The following GPC5 variants were observed in gnomAD, a reference collection of about 807,000 sequenced individuals.
GPC5 encodes the protein glypican 5.
GPC5 carries 47 observed loss-of-function variants against 53.9 expected under a neutral mutation model. The observed-to-expected ratio is 0.87, with a 90% confidence interval of 0.69 to 1.11. The LOEUF (loss-of-function observed/expected upper bound fraction) is 1.11, where lower values mean the gene tolerates loss of function less well. GPC5 is among the 50% of genes most tolerant of loss of function. The probability of loss-of-function intolerance (pLI) is 0.00; values close to 1 mark genes in which losing one functional copy is unlikely to be tolerated. For synonymous variants in GPC5, 286 were observed against 263.3 expected (o/e 1.09, Z -0.84); for missense variants, 748 against 713.1 (o/e 1.05, Z -0.56).
intron 2 of GPC5, among the ~76,000 whole-genome samples, chr13:91,595,143 G>T (rs996043936): frequency 6.6e-6 from 1 of 151,566 alleles, no homozygotes; most frequent in Admixed American, 6.6e-5. Context: ...TCCCCCTCCC[G>T]AGTAGCTGGG....
At chr13:92,414,729 A>G (rs7317952) in intron 7 of GPC5, among the ~76,000 whole-genome samples, 94,037 of 151,974 alleles carry the variant, frequency 0.62, 29,331 homozygotes, top group East Asian at 0.74. Context: ...TTACAATTCT[A>G]GAGGCTGGGA....
At chr13:92,296,947 AC>A (rs1212557713) in intron 7 of GPC5, among the ~76,000 whole-genome samples, 1 of 151,356 alleles carries the variant, frequency 6.6e-6, no homozygotes, top group African/African-American at 2.4e-5. Context: ...TGAGCCTCCC[AC>A]CCCCTCCATG....
At chr13:91,487,115 T>C (rs1223985979) in intron 2 of GPC5, among the ~76,000 whole-genome samples, 1 of 151,926 alleles carries the variant, frequency 6.6e-6, no homozygotes, top group Non-Finnish European at 1.5e-5. Context: ...TTGCTGAAAA[T>C]GAACTGACAA....
intron 7 of GPC5, among the ~76,000 whole-genome samples, chr13:92,429,715 A>G (rs1181060707): frequency 6.6e-6 from 1 of 152,120 alleles, no homozygotes; most frequent in Non-Finnish European, 1.5e-5. Context: ...TTATTTGCAA[A>G]GATGTGTATT....
chr13:91,878,273 T>C (rs1280061463), intron 5 of GPC5, among the ~76,000 whole-genome samples: 3 of 152,192 alleles, frequency 2.0e-5, no homozygotes, highest in Non-Finnish European at 4.4e-5. Context: ...ATTTTCAATA[T>C]TTTTTATTTG....
intron 7 of GPC5, among the ~76,000 whole-genome samples, chr13:92,658,293 T>C (rs1594390430): frequency 1.3e-5 from 2 of 152,320 alleles, no homozygotes; most frequent in African/African-American, 4.8e-5. Flanking sequence ...GCATTCTATA[T>C]GGCAATATTT....
intron 7 of GPC5, among the ~76,000 whole-genome samples, chr13:92,314,676 A>T (rs1410077634): frequency 2.0e-5 from 3 of 152,244 alleles, no homozygotes; most frequent in Non-Finnish European, 4.4e-5. Flanking sequence ...ATGTAAGGGA[A>T]ATAACTGTAA....
At chr13:92,318,239 G>A (rs2043192797) in intron 7 of GPC5, among the ~76,000 whole-genome samples, 1 of 151,984 alleles carries the variant, frequency 6.6e-6, no homozygotes, top group Non-Finnish European at 1.5e-5. Context: ...CCGTCGGTGG[G>A]GTGCTGAAAA....
intron 7 of GPC5, among the ~76,000 whole-genome samples, chr13:92,282,524 C>T (rs2042923754): frequency 6.6e-6 from 1 of 152,100 alleles, no homozygotes; most frequent in African/African-American, 2.4e-5. Flanking sequence ...ACAAAGGGAA[C>T]CTCAACAGAC....
At chr13:92,397,314 C>T (rs542191324) in intron 7 of GPC5, among the ~76,000 whole-genome samples, 17 of 152,274 alleles carry the variant, frequency 1.1e-4, no homozygotes, top group African/African-American at 3.6e-4. Context: ...GTGAAGACCT[C>T]TCATGAGATT....
intron 7 of GPC5, among the ~76,000 whole-genome samples, chr13:92,857,925 TA>T (rs1231407603): frequency 6.6e-6 from 1 of 152,062 alleles, no homozygotes; most frequent in Non-Finnish European, 1.5e-5. Context: ...CTCAATGAAA[TA>T]AAAACAGAAC....
rs531570226 is a variant in GPC5 at position 91,541,795 on chromosome 13, T to C, written c.325+92873T>C. ...TAGATTAATCATAAAGAGTAATATG[T>C]TAATACACTGAGAACTTCCATATTA... is the stretch of plus-strand genomic sequence containing the variant. On this transcript the variant is annotated intron_variant, in intron 2 of 7. Coordinates refer to ENST00000377067, the MANE Select transcript of GPC5 (RefSeq NM_004466.6). 4.0e-5 allele frequency among the ~76,000 whole-genome samples: 6 copies of C among 151,698 alleles called. 1 individual carries two copies. In the South Asian group the frequency reaches 1.2e-3, roughly 32 times the overall value.
chr13:92,081,290 TG>T (rs750720180), intron 6 of GPC5, among the ~76,000 whole-genome samples: 36 of 152,000 alleles, frequency 2.4e-4, no homozygotes, highest in Non-Finnish European at 4.9e-4. Flanking sequence ...TCAATAAGAA[TG>T]GGGCTTCACC....
chr13:91,726,493 C>A (rs1321076735), intron 3 of GPC5, among the ~76,000 whole-genome samples: 1 of 152,182 alleles, frequency 6.6e-6, no homozygotes, highest in Non-Finnish European at 1.5e-5. Context: ...CCTCCAAAAT[C>A]TTTTCTCTGA....
intron 7 of GPC5, among the ~76,000 whole-genome samples, chr13:92,364,317 A>ATAT (rs201471404): frequency 0.01 from 1,579 of 152,002 alleles, 74 homozygotes; most frequent in African/African-American, 0.036. Flanking sequence ...CAGCTATCAT[A>ATAT]AGGTGTGAAG....
intron 6 of GPC5, among the ~76,000 whole-genome samples, chr13:92,079,819 A>C (rs541204751): frequency 6.6e-6 from 1 of 152,238 alleles, no homozygotes; most frequent in African/African-American, 2.4e-5. Context: ...AGACATTCCA[A>C]CCTTCCTCAC....
At chr13:91,404,955 T>C (rs1485442429) in intron 1 of GPC5, among the ~76,000 whole-genome samples, 1 of 152,244 alleles carries the variant, frequency 6.6e-6, no homozygotes, top group East Asian at 1.9e-4. Context: ...ATTATGAATG[T>C]ATCTTTATTT....
chr13:92,120,743 T>A (rs2138943989), intron 6 of GPC5, among the ~76,000 whole-genome samples: 1 of 152,360 alleles, frequency 6.6e-6, no homozygotes, highest in Non-Finnish European at 1.5e-5. Context: ...CTAAACAGGA[T>A]AAAATTTCAT....
intron 5 of GPC5, among the ~76,000 whole-genome samples, chr13:91,856,200 T>A (rs536230927): frequency 6.6e-6 from 1 of 151,610 alleles, no homozygotes; most frequent in South Asian, 2.1e-4. Context: ...TGTGTAGATA[T>A]ACACATTTAA....
Sources: allele counts gnomAD v4.1 joint callset (sites outside exome capture counted in the v4.1 genomes callset), GRCh38; gene constraint gnomAD v4.1.1; transcripts MANE v1.5; gene names NCBI Gene and HGNC (gene_info 2026-07-23, HGNC 2026-07-21).